CDC25A: variants seen among roughly 807,000 people sequenced by gnomAD.
The protein encoded by CDC25A is cell division cycle 25A.
CDC25A carries 17 observed loss-of-function variants against 64.6 expected under a neutral mutation model. The observed-to-expected ratio is 0.26, with a 90% CI of 0.18 to 0.39. The LOEUF is 0.39. Among genes scored for constraint, CDC25A ranks in the 10% least tolerant of loss-of-function variants. The pLI is 1.00. For synonymous variants in CDC25A, 229 were observed against 238.6 expected, an observed-to-expected ratio of 0.96 and a Z score of 0.37; for missense variants, 473 against 654.8, an observed-to-expected ratio of 0.72 and a Z score of 3.03.
chr3:48,177,479 G>C, intron 7 of CDC25A, 37 bp from the exon 8 acceptor site: 2 of 1,500,032 alleles, frequency 1.3e-6, no homozygotes, highest in Non-Finnish European at 1.9e-6. Flanking sequence ...AAAAGAGCCT[G>C]TAGAGACTAA....
intron 2 of CDC25A, among the ~76,000 whole-genome samples, chr3:48,185,864 G>C (rs6788876): frequency 0.021 from 3,165 of 152,298 alleles, 100 homozygotes; most frequent in African/African-American, 0.069. Flanking sequence ...ACTGCTACAA[G>C]TGATAATCCT....
chr3:48,180,635 T>C, intron 6 of CDC25A, 86 bp downstream of exon 6: 1 of 1,424,760 alleles, frequency 7.0e-7, no homozygotes, highest in South Asian at 1.2e-5. Flanking sequence ...CTAGTGCTAC[T>C]GTAGTGCCTT....
chr3:48,173,777 G>A (rs943918546), intron 9 of CDC25A, among the ~76,000 whole-genome samples: 7 of 152,134 alleles, frequency 4.6e-5, no homozygotes, highest in African/African-American at 1.7e-4. Flanking sequence ...AATTTACATA[G>A]ACCGGAGACT....
At position 48,187,992 on chromosome 3, in the gene CDC25A, C is replaced by T. The variant is rs892969052; in HGVS notation, c.-45G>A. On this transcript the variant is annotated 5_prime_UTR_variant, in exon 1 of 15. Coordinates refer to ENST00000302506, the MANE Select transcript of CDC25A (RefSeq NM_001789.3). Reference sequence around the variant, plus strand: ...GAGCTCCCGCTCCCTCTTCCTCTGCCTCCGCCGCGACCGCCCCGCCCCGCC... The same window carrying T: ...GAGCTCCCGCTCCCTCTTCCTCTGCTTCCGCCGCGACCGCCCCGCCCCGCC... The T allele has an allele frequency of 2.2e-5, 29 of 1,344,756 alleles. No individual in the cohort carries two copies. The African/African-American group carries it at 4.3e-4, about 20-fold the overall frequency. The allele number at this position is 1,344,756 out of a possible 1,614,324, so 83.3% of individuals were successfully genotyped here. A position where few individuals can be genotyped will look rare whatever the true frequency, so the allele number is the denominator to read the frequency against.
intron 5 of CDC25A, chr3:48,181,798 A>AC (rs2032680606): frequency 1.6e-6 from 1 of 637,228 alleles, no homozygotes; most frequent in Non-Finnish European, 2.8e-6. Flanking sequence ...AATCAAAAAA[A>AC]AAAAAAAAGC....
chr3:48,186,436 G>A, intron 2 of CDC25A, among the ~76,000 whole-genome samples: 1 of 152,102 alleles, frequency 6.6e-6, no homozygotes, highest in Non-Finnish European at 1.5e-5. Context: ...GGGTGTGGTG[G>A]TGCATGCCTG....
At chr3:48,184,819 G>A in intron 2 of CDC25A, 124 bp from the exon 3 acceptor site, 1 of 658,302 alleles carries the variant, frequency 1.5e-6, no homozygotes, top group South Asian at 2.0e-5. Flanking sequence ...TTCATGGCTT[G>A]TACTTTTGCC....
rs2032519164 is a variant in CDC25A, at chr3:48,177,833, AC to A, written c.684+20del. The A allele has an allele frequency of 6.2e-6, 4 of 644,306 alleles. No individual in the cohort carries two copies. The East Asian group carries it at 2.8e-4, about 44-fold the overall frequency. 39.9% of individuals were successfully genotyped at this position (644,306 alleles called of 1,614,324 possible). A position where few individuals can be genotyped will look rare whatever the true frequency, so the allele number is the denominator to read the frequency against. ...ATTAATTAGTAGAACAAATAGGAAC[AC>A]ACACACACACACACGGTACCTTCAG... On this transcript the variant is annotated intron_variant, in intron 7 of 14. Transcript: ENST00000302506.
chr3:48,168,019 T>A, intron 9 of CDC25A, 75 bp from the exon 10 acceptor site: 1 of 858,460 alleles, frequency 1.2e-6, no homozygotes. Context: ...TTGGAGCATG[T>A]CTCGAGGAGA....
Position 48,158,833 on chromosome 3 carries a change from C to A in CDC25A, c.*112G>T. On this transcript the variant is annotated 3_prime_UTR_variant, in exon 15 of 15. Transcript: ENST00000302506. Reference sequence around the variant, plus strand: ...AGGTTTAAGGCATGGAAGTCCCAGGCCCCCTCTCCAAATGTCACACAGCTG... The same window carrying A: ...AGGTTTAAGGCATGGAAGTCCCAGGACCCCTCTCCAAATGTCACACAGCTG... The A allele has an allele frequency of 7.5e-7, 1 of 1,334,166 alleles. No individual in the cohort carries two copies. The highest frequency in any genetic ancestry group is 1.0e-6 in the Non-Finnish European group (1 of 969,898). The allele number at this position is 1,334,166 out of a possible 1,614,324, so 82.6% of individuals were successfully genotyped here. A position where few individuals can be genotyped will look rare whatever the true frequency, so the allele number is the denominator to read the frequency against.
chr3:48,169,282 T>G (rs1215095687), intron 9 of CDC25A, among the ~76,000 whole-genome samples: 1 of 152,224 alleles, frequency 6.6e-6, no homozygotes, highest in Non-Finnish European at 1.5e-5. Flanking sequence ...AGTATCATCT[T>G]TCTGAAACCC....
At chr3:48,170,852 C>T (rs2106718154) in intron 9 of CDC25A, among the ~76,000 whole-genome samples, 1 of 152,122 alleles carries the variant, frequency 6.6e-6, no homozygotes, top group East Asian at 1.9e-4. Context: ...GGGAAGAAGA[C>T]TAAATATATA....
chr3:48,165,335 C>G (rs935882482), intron 12 of CDC25A, among the ~76,000 whole-genome samples: 8 of 152,000 alleles, frequency 5.3e-5, no homozygotes, highest in Non-Finnish European at 8.8e-5. Context: ...TGCTATGAAA[C>G]CCATTCTTGT....
intron 1 of CDC25A, 29 bp from the exon 2 acceptor site, chr3:48,186,808 G>C: frequency 7.1e-7 from 1 of 1,415,558 alleles, no homozygotes; most frequent in Middle Eastern, 1.8e-4. Context: ...AACCATGAAT[G>C]ATTTATAGGA....
At position 48,184,611 on chromosome 3, in the gene CDC25A, G is replaced by GT. The variant is rs531373164; in HGVS notation, c.290+41dup. 6.2e-3 allele frequency: 8,916 copies of GT among 1,427,738 alleles called. 74 individuals carry two copies. The highest frequency in any genetic ancestry group is 0.015 in the Middle Eastern group (85 of 5,722). The allele number at this position is 1,427,738 out of a possible 1,614,324, so 88.4% of individuals were successfully genotyped here. On this transcript the variant is annotated intron_variant, in intron 3 of 14. Coordinates refer to ENST00000302506, the MANE Select transcript of CDC25A (RefSeq NM_001789.3). ...AAATAAGGTATTTAAGTTTAGACAC[G>GT]TTTTTTCTACATATAAACATTTGAA...
chr3:48,170,591 T>C (rs1575264536), intron 9 of CDC25A, among the ~76,000 whole-genome samples: 1 of 152,208 alleles, frequency 6.6e-6, no homozygotes. Context: ...CTCTGAACCC[T>C]GTCCTTTCAA....
intron 10 of CDC25A, 53 bp from the exon 11 acceptor site, chr3:48,165,946 C>G: frequency 8.3e-7 from 1 of 1,198,116 alleles, no homozygotes; most frequent in Non-Finnish European, 1.2e-6. Context: ...ATATTATTCA[C>G]ACTTATACTG....
chr3:48,186,566 T>G, intron 2 of CDC25A, 137 bp downstream of exon 2: 1 of 545,272 alleles, frequency 1.8e-6, no homozygotes. Context: ...CGAAACTCTG[T>G]CTCAAAAAAA....
At position 48,182,639 on chromosome 3, in the gene CDC25A, G is replaced by A. The variant is rs529357922; in HGVS notation, c.429+290C>T. Among the ~76,000 whole-genome samples, 21 of 152,260 alleles carry A rather than the reference G, an allele frequency of 1.4e-4. 1 individual carries two copies. Among genetic ancestry groups the A allele is most frequent in the South Asian group, 4.1e-4 (2 of 4,826 alleles). On this transcript the variant is annotated intron_variant, in intron 5 of 14. Coordinates refer to ENST00000302506, the MANE Select transcript of CDC25A (RefSeq NM_001789.3). ...GTGAGCTACAATCTGAGCAACTCCC[G>A]CCTGTCAGGCACCATTTTCAATACT...
Sources: allele counts gnomAD v4.1 joint callset (sites outside exome capture counted in the v4.1 genomes callset), GRCh38; gene constraint gnomAD v4.1.1; transcripts MANE v1.5; gene names NCBI Gene and HGNC (gene_info 2026-07-23, HGNC 2026-07-21).